Variants in NRG3 observed in about 807,000 individuals in gnomAD.
NRG3 encodes the protein neuregulin 3.
In NRG3, 31 loss-of-function variants were observed where a neutral mutation model predicts 66.9. The ratio of observed to expected loss-of-function variants is 0.46; its 90% confidence interval spans 0.35 to 0.63. The LOEUF (loss-of-function observed/expected upper bound fraction) is 0.63, where lower values mean the gene tolerates loss of function less well. NRG3 is among the 20% of genes least tolerant of loss of function. The pLI is 0.00. For synonymous variants in NRG3, 393 were observed against 359.4 expected, an observed-to-expected ratio of 1.09 and a Z score of -1.06; for missense variants, 910 against 878.9, an observed-to-expected ratio of 1.04 and a Z score of -0.45.
intron 1 of NRG3, among the ~76,000 whole-genome samples, chr10:82,049,550 A>G (rs745474997): frequency 6.6e-6 from 1 of 151,040 alleles, no homozygotes; most frequent in Non-Finnish European, 1.5e-5. Flanking sequence ...TTCAAAGATA[A>G]CTGTTCCCCA....
chr10:82,153,824 C>G (rs1290974851), intron 1 of NRG3, among the ~76,000 whole-genome samples: 1 of 151,708 alleles, frequency 6.6e-6, no homozygotes. Context: ...AGATGGTGAA[C>G]TTTTTTTTCA....
At chr10:82,254,332 C>G (rs1347801002) in intron 1 of NRG3, among the ~76,000 whole-genome samples, 11 of 152,066 alleles carry the variant, frequency 7.2e-5, no homozygotes. Flanking sequence ...TGTTAACCTC[C>G]CAGAACCTAA....
intron 1 of NRG3, among the ~76,000 whole-genome samples, chr10:82,172,213 G>A (rs1218627007): frequency 2.0e-5 from 3 of 152,006 alleles, no homozygotes; most frequent in Non-Finnish European, 2.9e-5. Context: ...TGATTCCTGC[G>A]CTCATTGCTC....
chr10:82,644,174 C>T (rs1432656305), intron 2 of NRG3, among the ~76,000 whole-genome samples: 1 of 152,084 alleles, frequency 6.6e-6, no homozygotes, highest in African/African-American at 2.4e-5. Flanking sequence ...CTTATATAAA[C>T]TTCAAGACAC....
intron 1 of NRG3, among the ~76,000 whole-genome samples, chr10:82,055,267 G>A (rs984188450): frequency 1.3e-5 from 2 of 151,890 alleles, no homozygotes; most frequent in Non-Finnish European, 2.9e-5. Context: ...TCGAGGTCAG[G>A]AGATCGAGAC....
At chr10:82,807,026 T>C (rs190875294) in intron 3 of NRG3, among the ~76,000 whole-genome samples, 9 of 152,344 alleles carry the variant, frequency 5.9e-5, no homozygotes, top group African/African-American at 1.9e-4. Flanking sequence ...TTTCCACACA[T>C]TGTTTGCTGC....
intron 1 of NRG3, among the ~76,000 whole-genome samples, chr10:81,896,595 A>G (rs1477535760): frequency 1.3e-5 from 2 of 151,560 alleles, no homozygotes; most frequent in Non-Finnish European, 2.9e-5. Context: ...CCTCTTTTCC[A>G]TATAGATATT....
chr10:82,516,420 A>C (rs1294290046), intron 2 of NRG3, among the ~76,000 whole-genome samples: 1 of 152,122 alleles, frequency 6.6e-6, no homozygotes, highest in Non-Finnish European at 1.5e-5. Context: ...TGGAGTAATA[A>C]GGGGAGTCCA....
intron 3 of NRG3, among the ~76,000 whole-genome samples, chr10:82,852,303 G>A (rs1206106488): frequency 1.3e-5 from 2 of 152,036 alleles, no homozygotes; most frequent in African/African-American, 4.8e-5. Context: ...GGGCGTAGGG[G>A]GAAAGGAGAG....
At chr10:82,601,204 C>G (rs1041297507) in intron 2 of NRG3, among the ~76,000 whole-genome samples, 3 of 152,064 alleles carry the variant, frequency 2.0e-5, no homozygotes, top group African/African-American at 7.2e-5. Flanking sequence ...TTGATGGGCA[C>G]CTAGGTTGAT....
chr10:82,514,874 T>C (rs1375108612), intron 2 of NRG3, among the ~76,000 whole-genome samples: 1 of 152,194 alleles, frequency 6.6e-6, no homozygotes, highest in Non-Finnish European at 1.5e-5. Flanking sequence ...TTGTGTTGTT[T>C]CCAGTTTTGT....
At chr10:81,878,298 A>G (rs1841865989) in intron 1 of NRG3, among the ~76,000 whole-genome samples, 1 of 152,192 alleles carries the variant, frequency 6.6e-6, no homozygotes, top group South Asian at 2.1e-4. Flanking sequence ...TCTCTTTTTT[A>G]AACCTTTACA....
chr10:82,009,875 G>A (rs569725401), intron 1 of NRG3, among the ~76,000 whole-genome samples: 19 of 152,278 alleles, frequency 1.2e-4, no homozygotes, highest in African/African-American at 2.6e-4. Flanking sequence ...GAGACACAGC[G>A]CAGTATAGAA....
chr10:81,991,919 A>G (rs921280856), intron 1 of NRG3, among the ~76,000 whole-genome samples: 5 of 152,180 alleles, frequency 3.3e-5, no homozygotes, highest in African/African-American at 1.2e-4. Context: ...CAAATATTAT[A>G]TCATAGTTTC....
chr10:82,000,295 TG>T (rs1440600817), intron 1 of NRG3, among the ~76,000 whole-genome samples: 1 of 152,232 alleles, frequency 6.6e-6, no homozygotes, highest in Admixed American at 6.5e-5. Flanking sequence ...TATGTCCATT[TG>T]GACAGAAAAC....
intron 1 of NRG3, among the ~76,000 whole-genome samples, chr10:81,944,321 T>C (rs572051549): frequency 6.6e-6 from 1 of 152,318 alleles, no homozygotes; most frequent in East Asian, 1.9e-4. Context: ...AACGATAAAC[T>C]AAAATAAAAT....
In NRG3 at chr10:82,783,054, A is replaced by C. The variant is rs1215777073; in HGVS notation, c.1027+44404A>C. On this transcript the variant is annotated intron_variant, in intron 3 of 8. Coordinates refer to ENST00000372141, the MANE Select transcript of NRG3 (RefSeq NM_001010848.4). ...CCCTGGGATGCAAGGCTGGTTCAAT[A>C]TACGCAAATCAATAAATGTAATCCA... Among the ~76,000 whole-genome samples, 3 of 152,220 alleles carry C rather than the reference A, an allele frequency of 2.0e-5. No individual in the cohort carries two copies. The South Asian group carries it at 6.2e-4, about 32-fold the overall frequency.
intron 2 of NRG3, among the ~76,000 whole-genome samples, chr10:82,396,573 T>C (rs573454472): frequency 6.6e-4 from 101 of 152,326 alleles, no homozygotes; most frequent in African/African-American, 2.4e-3. Flanking sequence ...AACCAATCGC[T>C]GACTGACTTA....
rs554518903 is a variant in NRG3, at chr10:82,265,686, C to G, written c.824-93053C>G. ...CATGGTTGGACCATCTACATGCTTA[C>G]TGACATCACCAACAATTATGGCAGT... On this transcript the variant is annotated intron_variant, in intron 1 of 8. Coordinates refer to ENST00000372141, the MANE Select transcript of NRG3 (RefSeq NM_001010848.4). Among the ~76,000 whole-genome samples the G allele has an allele frequency of 4.6e-5, 7 of 152,266 alleles. No homozygotes were observed. The South Asian group carries it at 1.2e-3, about 27-fold the overall frequency.
Sources: allele counts gnomAD v4.1 joint callset (sites outside exome capture counted in the v4.1 genomes callset), GRCh38; gene constraint gnomAD v4.1.1; transcripts MANE v1.5; gene names NCBI Gene and HGNC (gene_info 2026-07-23, HGNC 2026-07-21).